Variants in TMEM237 observed in about 807,000 individuals in gnomAD.
TMEM237 encodes transmembrane protein 237, also known as amyotrophic lateral sclerosis 2 (juvenile) chromosome region, candidate 4.
Under a neutral mutation model 59.1 loss-of-function variants are expected in TMEM237, and 51 were observed. That is an observed-to-expected ratio of 0.86 (90% confidence interval 0.69 to 1.09). The LOEUF is 1.09. Among genes scored for constraint, TMEM237 ranks in the 50% least tolerant of loss-of-function variants. TMEM237 has a pLI of 0.00. For missense variants in TMEM237, 475 were observed against 478.3 expected (o/e 0.99, Z 0.06); for synonymous variants, 140 against 166.1 (o/e 0.84, Z 1.21).
rs1957769334 is a variant in TMEM237, at chr2:201,627,424, A to G, written c.944-10T>C. ...AGAGCAGTAAAGTACACTGAGAAAA[A>G]GACAAATGAAATTACTAATAATTTT... On this transcript the variant is annotated splice_polypyrimidine_tract_variant and intron_variant, in intron 10 of 12. Coordinates refer to ENST00000409883, the MANE Select transcript of TMEM237 (RefSeq NM_001044385.3). The G allele has an allele frequency of 1.3e-6, 2 of 1,532,906 alleles. No individual in the cohort carries two copies. The highest frequency in any genetic ancestry group is 2.7e-5 in the African/African-American group (2 of 72,980). 95.0% of individuals were successfully genotyped at this position (1,532,906 alleles called of 1,614,324 possible).
At chr2:201,625,774 T>C (rs1957753073) in intron 12 of TMEM237, among the ~76,000 whole-genome samples, 1 of 152,076 alleles carries the variant, frequency 6.6e-6, no homozygotes, top group Non-Finnish European at 1.5e-5. Context: ...AGAGAAGAAA[T>C]ACCTCCTGAA....
At chr2:201,639,129 G>A (rs745543477) in intron 3 of TMEM237, 84 bp from the exon 4 acceptor site, 2 of 1,271,222 alleles carry the variant, frequency 1.6e-6, no homozygotes, top group Non-Finnish European at 2.2e-6. Context: ...TTTAAACAGG[G>A]AAGAATTCTC....
intron 1 of TMEM237, among the ~76,000 whole-genome samples, chr2:201,641,277 C>T (rs536261789): frequency 6.6e-6 from 1 of 152,172 alleles, no homozygotes; most frequent in African/African-American, 2.4e-5. Flanking sequence ...TAGGAGTGAG[C>T]CACTACGCCC....
intron 11 of TMEM237, 87 bp from the exon 12 acceptor site, chr2:201,626,234 C>G: frequency 1.4e-6 from 2 of 1,388,942 alleles, no homozygotes; most frequent in South Asian, 2.8e-5. Context: ...TAAGAAAAAA[C>G]AGCAGTCCTC....
Position 201,640,922 on chromosome 2 carries a change from A to G in TMEM237, c.45T>C (p.Arg15=), listed in dbSNP as rs1039647090. 10 of 1,602,796 alleles carry G rather than the reference A, an allele frequency of 6.2e-6. No individual in the cohort carries two copies. The change falls in exon 2 of 13, where the codon CGT becomes CGC. Residue 15 remains arginine (R), a splice_region_variant and synonymous_variant. Coordinates refer to ENST00000409883, the MANE Select transcript of TMEM237 (RefSeq NM_001044385.3). ...SGARLEEGHL[R]PPRALPPVPS... ...GCACAGGTGGAAGAGCTCGTGGAGG[A>G]CGCTGTGGCGGAAAAAATAAATTTG...
chr2:201,637,453 T>C (rs372395091), intron 4 of TMEM237, among the ~76,000 whole-genome samples: 3 of 152,210 alleles, frequency 2.0e-5, no homozygotes, highest in South Asian at 4.1e-4. Context: ...ACAAAAGAAA[T>C]AGAAATTGCA....
Position 201,632,094 on chromosome 2 carries a change from A to T in TMEM237, c.510T>A (p.Thr170=). 6.2e-7 allele frequency: 1 copy of T among 1,613,930 alleles called. No homozygotes were observed. Among genetic ancestry groups the T allele is most frequent in the Non-Finnish European group, 8.5e-7 (1 of 1,179,830 alleles). ...CTTTGCCTACAGGCTGGCTAATGCCAGTGGGTGCAGTGAATACAGACTGCT... is the reference window on the plus strand; with the variant it reads ...CTTTGCCTACAGGCTGGCTAATGCCTGTGGGTGCAGTGAATACAGACTGCT... ...VEQQSVFTAP[T]GISQPVGKVF... is the part of the protein sequence containing the mutation. The change falls in exon 7 of 13, where the codon ACT becomes ACA. Residue 170 remains threonine (T), a synonymous_variant. Transcript: ENST00000409883.
intron 11 of TMEM237, 152 bp from the exon 12 acceptor site, chr2:201,626,299 A>G: frequency 1.3e-6 from 1 of 767,094 alleles, no homozygotes; most frequent in Non-Finnish European, 2.0e-6. Context: ...CCTGTAAAAT[A>G]TACCACATAT....
chr2:201,640,900 C>T lies in TMEM237; in HGVS notation c.67G>A (p.Val23Met). 6.3e-7 allele frequency: 1 copy of T among 1,595,866 alleles called. No individual in the cohort carries two copies. Among genetic ancestry groups the T allele is most frequent in the Non-Finnish European group, 8.6e-7 (1 of 1,167,658 alleles). The part of the protein sequence containing the change: ...HLRPPRALPP[V>M]PSQDDIPLSR... ...ACTGTAAATTATTTTTACCTTGGCA[C>T]AGGTGGAAGAGCTCGTGGAGGACGC... The change falls in exon 2 of 13, where the codon GTG (valine) becomes ATG (methionine). Residue 23 changes from valine to methionine, a missense_variant. Coordinates refer to ENST00000409883, the MANE Select transcript of TMEM237 (RefSeq NM_001044385.3).
At chr2:201,642,804 C>T (rs1687457024) in intron 1 of TMEM237, 3 of 1,401,146 alleles carry the variant, frequency 2.1e-6, no homozygotes, top group Non-Finnish European at 2.8e-6. Context: ...CCTGGATTGG[C>T]CAGTCCAGAC....
In TMEM237 at chr2:201,636,904, G is replaced by GA; in HGVS notation, c.137-20dup. The GA allele has an allele frequency of 1.3e-6, 2 of 1,576,850 alleles. No individual in the cohort carries two copies. Among genetic ancestry groups the GA allele is most frequent in the Non-Finnish European group, 1.7e-6 (2 of 1,167,828 alleles). On this transcript the variant is annotated intron_variant, in intron 4 of 12. Transcript: ENST00000409883. ...GCACTTGCTATAGAAAAACAGAGTA[G>GA]AAAAAAATGAGATTACTTGAGCAAA... is the stretch of plus-strand genomic sequence containing the variant.
Position 201,626,130 on chromosome 2 carries a change from TC to T in TMEM237, c.1054del (p.Glu352AsnfsTer10). The T allele has an allele frequency of 6.2e-7, 1 of 1,611,488 alleles. No homozygotes were observed. The highest frequency in any genetic ancestry group is 1.3e-5 in the African/African-American group (1 of 74,982). On this transcript the variant is annotated frameshift_variant, in exon 12 of 13. Coordinates refer to ENST00000409883, the MANE Select transcript of TMEM237 (RefSeq NM_001044385.3). LOFTEE classifies it high-confidence loss of function. ...CACAATCCATGGCTGGAGAATCTGT[TC>T]CTCAATTCCTGCTTCCCTAAAAATG... ...NGSLWEAGIEEQILQPWIVVN... is the reference protein window; with the variant it reads ...NGSLWEAGIEXQILQPWIVVN...
rs369562638 is a variant in TMEM237 at position 201,627,094 on chromosome 2, CTA to C, written c.1037+225_1037+226del. On this transcript the variant is annotated intron_variant, in intron 11 of 12. Coordinates refer to ENST00000409883, the MANE Select transcript of TMEM237 (RefSeq NM_001044385.3). Reference sequence around the variant, plus strand: ...GACTCTATCTCGAAAAAAAAAAAAACTATAACTTGAAGATCTAAAACAGATTT... The same window carrying C: ...GACTCTATCTCGAAAAAAAAAAAAACTAACTTGAAGATCTAAAACAGATTT... Among the ~76,000 whole-genome samples the C allele has an allele frequency of 1.7e-3, 246 of 148,496 alleles. 1 individual carries two copies. The highest frequency in any genetic ancestry group is 5.6e-3 in the African/African-American group (227 of 40,524).
rs1476429226 is a variant in TMEM237 at position 201,642,887 on chromosome 2, C to T, written c.42+472G>A. 9.7e-6 allele frequency: 13 copies of T among 1,337,586 alleles called. No individual in the cohort carries two copies. In the South Asian group the frequency reaches 1.2e-4, roughly 12 times the overall value. The allele number at this position is 1,337,586 out of a possible 1,614,324, so 82.9% of individuals were successfully genotyped here. A position where few individuals can be genotyped will look rare whatever the true frequency, so the allele number is the denominator to read the frequency against. ...GAGCAGAAATCTGGCGACCGTGGCG[C>T]TGCAATCACAGCTTTCCCGTGGTTT... is the stretch of plus-strand genomic sequence containing the variant. On this transcript the variant is annotated intron_variant, in intron 1 of 12. Transcript: ENST00000409883.
At chr2:201,627,047 T>TC (rs2105897863) in intron 11 of TMEM237, among the ~76,000 whole-genome samples, 1 of 150,910 alleles carries the variant, frequency 6.6e-6, no homozygotes, top group East Asian at 1.9e-4. Flanking sequence ...GCCATTGCAC[T>TC]CCAGCATGGG....
intron 6 of TMEM237, among the ~76,000 whole-genome samples, chr2:201,632,780 G>A (rs901874683): frequency 6.6e-5 from 10 of 152,236 alleles, no homozygotes; most frequent in African/African-American, 2.4e-4. Context: ...GTCTTTATTA[G>A]TAGTGTGAGA....
intron 12 of TMEM237, among the ~76,000 whole-genome samples, chr2:201,624,626 T>TA (rs1957741096): frequency 6.6e-6 from 1 of 152,148 alleles, no homozygotes; most frequent in Non-Finnish European, 1.5e-5. Context: ...CAAAGATCAT[T>TA]AAACAGCTAA....
At position 201,643,288 on chromosome 2, in the gene TMEM237, A is replaced by ACCCC; in HGVS notation, c.42+70_42+71insGGGG. 9.1e-7 allele frequency: 1 copy of ACCCC among 1,098,328 alleles called. No homozygotes were observed. The highest frequency in any genetic ancestry group is 1.3e-6 in the Non-Finnish European group (1 of 763,058). The allele number at this position is 1,098,328 out of a possible 1,614,324, so 68.0% of individuals were successfully genotyped here. A position where few individuals can be genotyped will look rare whatever the true frequency, so the allele number is the denominator to read the frequency against. On this transcript the variant is annotated intron_variant, in intron 1 of 12. Coordinates refer to ENST00000409883, the MANE Select transcript of TMEM237 (RefSeq NM_001044385.3). This position sits in a 1 kb window ranked among gnomAD's most constrained non-coding sequence, Gnocchi z 4.3. Reference sequence around the variant, plus strand: ...AGCTCGTTGGCGCCCCCCCACACACACCCACCCCCACTGCCAAGTGTAGCT... The same window carrying ACCCC: ...AGCTCGTTGGCGCCCCCCCACACACACCCCCCCACCCCCACTGCCAAGTGTAGCT...
rs186740270 is a variant in TMEM237 at position 201,639,280 on chromosome 2, G to A, written c.80-235C>T. 5.3e-5 allele frequency among the ~76,000 whole-genome samples: 8 copies of A among 152,294 alleles called. No individual in the cohort carries two copies. The East Asian group carries it at 7.7e-4, about 15-fold the overall frequency. On this transcript the variant is annotated intron_variant, in intron 3 of 12. Coordinates refer to ENST00000409883, the MANE Select transcript of TMEM237 (RefSeq NM_001044385.3). ...TTAGAAACCATGACACAGAAAGTGG[G>A]TTCAACAAATATTCATCTGATCCCC...
Sources: allele counts gnomAD v4.1 joint callset (sites outside exome capture counted in the v4.1 genomes callset), GRCh38; gene constraint gnomAD v4.1.1; non-coding constraint Gnocchi (gnomAD v3.1); transcripts MANE v1.5; gene names NCBI Gene and HGNC (gene_info 2026-07-23, HGNC 2026-07-21).